Variants in ALG13 observed in about 807,000 individuals in gnomAD.
ALG13 encodes UDP-N-acetylglucosamine transferase subunit ALG13.
Under a neutral mutation model 87.8 loss-of-function variants are expected in ALG13, and 11 were observed. That is an observed-to-expected ratio of 0.13 (90% CI 0.08 to 0.21). The LOEUF is 0.21. ALG13 is among the 10% of genes least tolerant of loss of function. The pLI is 1.00. For synonymous variants in ALG13, 320 were observed against 306.3 expected (o/e 1.04, Z -0.47); for missense variants, 756 against 866.1 (o/e 0.87, Z 1.60).
chrX:111,751,828 TTATAAA>T (rs1455437129), intron 24 of ALG13, among the ~76,000 whole-genome samples: 1 of 111,885 alleles, frequency 8.9e-6, no homozygotes, highest in Non-Finnish European at 1.9e-5. Context: ...TTATATTACT[TTATAAA>T]TAAAAATATG....
At position 111,760,168 on chromosome X, in the gene ALG13, G is replaced by C; in HGVS notation, c.*169G>C. 1.7e-6 allele frequency: 1 copy of C among 576,507 alleles called. No homozygotes were observed. Among genetic ancestry groups the C allele is most frequent in the East Asian group, 3.7e-5 (1 of 26,732 alleles). The allele number at this position is 576,507 out of a possible 1,213,427, so 47.5% of individuals were successfully genotyped here. Reference sequence around the variant, plus strand: ...TAAAATAGTACTTTAAAATTAAGGGGTATTATTTTGGGCTGTGACTAAGGA... The same window carrying C: ...TAAAATAGTACTTTAAAATTAAGGGCTATTATTTTGGGCTGTGACTAAGGA... On this transcript the variant is annotated 3_prime_UTR_variant, in exon 27 of 27. Transcript: ENST00000394780.
At chrX:111,735,349 A>G (rs1414144780) in intron 22 of ALG13, among the ~76,000 whole-genome samples, 1 of 112,183 alleles carries the variant, frequency 8.9e-6, no homozygotes, top group African/African-American at 3.2e-5. Flanking sequence ...GATTACTCAT[A>G]GTCTCCTGTG....
At chrX:111,706,123 C>T (rs996523290) in intron 3 of ALG13, among the ~76,000 whole-genome samples, 17 of 108,352 alleles carry the variant, frequency 1.6e-4, no homozygotes, top group Non-Finnish European at 2.9e-4. Flanking sequence ...GGTGTGATCT[C>T]GGCTCATGCC....
intron 2 of ALG13, 114 bp downstream of exon 2, chrX:111,682,408 G>C: frequency 1.8e-6 from 1 of 557,638 alleles, no homozygotes; most frequent in Non-Finnish European, 2.6e-6. Context: ...AAAGGTAAAC[G>C]TGTGCCATGC....
At chrX:111,687,751 A>C (rs924899253) in intron 3 of ALG13, 3 of 465,825 alleles carry the variant, frequency 6.4e-6, no homozygotes, top group Non-Finnish European at 1.0e-5. Context: ...ACTTATTAAA[A>C]TATATAAAAA....
intron 6 of ALG13, 148 bp downstream of exon 6, chrX:111,711,873 T>G: frequency 1.9e-6 from 1 of 533,444 alleles, no homozygotes; most frequent in Non-Finnish European, 2.9e-6. Flanking sequence ...CACATAAGTT[T>G]AGAGGCTGGC....
At chrX:111,683,270 A>G (rs761539085) in intron 2 of ALG13, among the ~76,000 whole-genome samples, 75 of 109,644 alleles carry the variant, frequency 6.8e-4, no homozygotes, top group Non-Finnish European at 1.3e-3. Context: ...ACAGATAACA[A>G]TCTGGTGCTG....
At chrX:111,735,011 GTT>G (rs771702292) in intron 21 of ALG13, 38 bp from the exon 22 acceptor site, 2 of 886,478 alleles carry the variant, frequency 2.3e-6, no homozygotes, top group South Asian at 4.2e-5. Flanking sequence ...TTATTGATGT[GTT>G]GTTTGTTTTT....
chrX:111,684,868 A>G, intron 2 of ALG13, 97 bp from the exon 3 acceptor site: 1 of 825,693 alleles, frequency 1.2e-6, no homozygotes, highest in Non-Finnish European at 1.7e-6. Flanking sequence ...AGTTCTGTCA[A>G]CTTAAGTTTT....
chrX:111,703,209 A>T (rs1301865456), intron 3 of ALG13, among the ~76,000 whole-genome samples: 1 of 109,782 alleles, frequency 9.1e-6, no homozygotes, highest in Non-Finnish European at 1.9e-5. Context: ...CATCATCATC[A>T]TCATCATTAT....
intron 26 of ALG13, 83 bp from the exon 27 acceptor site, chrX:111,759,651 A>G: frequency 2.4e-6 from 2 of 820,271 alleles, no homozygotes; most frequent in South Asian, 5.6e-5. Flanking sequence ...TTTCACACAT[A>G]AGAACATCCA....
At chrX:111,711,557 A>T (rs1030883789) in intron 5 of ALG13, 118 bp from the exon 6 acceptor site, 2 of 594,476 alleles carry the variant, frequency 3.4e-6, no homozygotes, top group African/African-American at 4.6e-5. Context: ...TGCAAAGTAG[A>T]TACTTACACC....
chrX:111,737,741 A>G (rs922949689), intron 23 of ALG13, among the ~76,000 whole-genome samples: 9 of 112,461 alleles, frequency 8.0e-5, no homozygotes, highest in Admixed American at 7.5e-4. Flanking sequence ...GACAATTTGG[A>G]AGCAGCAGCC....
At chrX:111,687,138 T>A (rs1306789245) in intron 3 of ALG13, among the ~76,000 whole-genome samples, 1 of 110,951 alleles carries the variant, frequency 9.0e-6, no homozygotes, top group African/African-American at 3.3e-5. Flanking sequence ...AGAGACGGGG[T>A]TTCTCCATGT....
chrX:111,695,086 T>C (rs1177653573), intron 3 of ALG13, among the ~76,000 whole-genome samples: 2 of 112,130 alleles, frequency 1.8e-5, no homozygotes, highest in African/African-American at 6.5e-5. Context: ...CAGTTTCTAA[T>C]TGGGGTTATA....
At chrX:111,711,059 A>G (rs1476055072) in intron 5 of ALG13, 1 of 112,699 alleles carries the variant, frequency 8.9e-6, no homozygotes, top group Non-Finnish European at 1.9e-5. Flanking sequence ...TTAAAAGTCT[A>G]GTGATATGTA....
At chrX:111,725,899 G>A (rs1941944895) in intron 15 of ALG13, among the ~76,000 whole-genome samples, 1 of 112,310 alleles carries the variant, frequency 8.9e-6, no homozygotes, top group African/African-American at 3.2e-5. Context: ...ATTTATTAGA[G>A]AATAGTAATG....
chrX:111,690,329 A>G, intron 3 of ALG13: 1 of 751,925 alleles, frequency 1.3e-6, no homozygotes, highest in Non-Finnish European at 1.6e-6. Context: ...AGAGTTTAGC[A>G]TTGGGAAATT....
chrX:111,713,151 A>G, intron 7 of ALG13, 74 bp from the exon 8 acceptor site: 2 of 645,504 alleles, frequency 3.1e-6, no homozygotes, highest in Non-Finnish European at 4.9e-6. Context: ...AAAAGCACAA[A>G]TAGTTGTTCC....
Sources: allele counts gnomAD v4.1 joint callset (sites outside exome capture counted in the v4.1 genomes callset), GRCh38; gene constraint gnomAD v4.1.1; transcripts MANE v1.5; gene names NCBI Gene and HGNC (gene_info 2026-07-23, HGNC 2026-07-21).